Variants in TMEM65 observed in about 807,000 individuals in gnomAD.
TMEM65 encodes transmembrane protein 65.
A neutral mutation model predicts 25.4 loss-of-function variants in TMEM65; 22 were observed. That is an observed-to-expected ratio of 0.86 (90% CI 0.62 to 1.23). The LOEUF is 1.23. TMEM65 is among the 50% of genes most tolerant of loss of function. The probability of loss-of-function intolerance (pLI) is 0.00; values close to 1 mark genes in which losing one functional copy is unlikely to be tolerated. For synonymous variants in TMEM65, 132 were observed against 126.2 expected (o/e 1.05, Z -0.31); for missense variants, 262 against 308.2 (o/e 0.85, Z 1.12).
chr8:124,358,634 C>A (rs1220102233), intron 1 of TMEM65, among the ~76,000 whole-genome samples: 1 of 152,232 alleles, frequency 6.6e-6, no homozygotes, highest in East Asian at 1.9e-4. Context: ...CATAAATCCT[C>A]TCTGACCATG....
At chr8:124,365,970 C>G (rs1814933013) in intron 1 of TMEM65, among the ~76,000 whole-genome samples, 2 of 152,180 alleles carry the variant, frequency 1.3e-5, no homozygotes, top group Admixed American at 6.5e-5. Flanking sequence ...CCTGTAATCT[C>G]AGCACTTTGG....
chr8:124,368,413 A>AC (rs1814968884), intron 1 of TMEM65, among the ~76,000 whole-genome samples: 1 of 150,764 alleles, frequency 6.6e-6, no homozygotes, highest in Admixed American at 6.6e-5. Context: ...TCAAAGATGT[A>AC]CCCCCGATGA....
intron 1 of TMEM65, among the ~76,000 whole-genome samples, chr8:124,359,588 A>G (rs1814833653): frequency 6.6e-6 from 1 of 152,148 alleles, no homozygotes; most frequent in Non-Finnish European, 1.5e-5. Context: ...CTAAAAATAT[A>G]AAAATTAGCT....
rs533407555 is a variant in TMEM65 at position 124,313,039 on chromosome 8, A to C, written c.*921T>G. The C allele has an allele frequency of 6.6e-6, 1 of 151,654 alleles. No homozygotes were observed. The highest frequency in any genetic ancestry group is 1.5e-5 in the Non-Finnish European group (1 of 67,766). The allele number at this position is 151,654 out of a possible 1,614,324, so 9.4% of individuals were successfully genotyped here. A position where few individuals can be genotyped will look rare whatever the true frequency, so the allele number is the denominator to read the frequency against. ...TCATTAATCTTTCAAACATCACTTC[A>C]ACTTCATCATTTATACCATAAACCT... On this transcript the variant is annotated 3_prime_UTR_variant, in exon 7 of 7. Coordinates refer to ENST00000297632, the MANE Select transcript of TMEM65 (RefSeq NM_194291.3).
chr8:124,371,085 C>A (rs972734820), intron 1 of TMEM65, among the ~76,000 whole-genome samples: 3 of 152,212 alleles, frequency 2.0e-5, no homozygotes, highest in Non-Finnish European at 4.4e-5. Context: ...TTTTAACATG[C>A]TAGTTTAAAA....
Position 124,310,039 on chromosome 8 carries a change from T to A in TMEM65, c.*3921A>T, listed in dbSNP as rs1038678935. ...TAGGCTCGGTGGCACGTGACTGTAA[T>A]CCCAGCTACTCAGGAGGCTGAGGCA... On this transcript the variant is annotated 3_prime_UTR_variant, in exon 7 of 7. Transcript: ENST00000297632. 7 of 152,164 alleles carry A rather than the reference T, an allele frequency of 4.6e-5. No individual in the cohort carries two copies. The highest frequency in any genetic ancestry group is 1.7e-4 in the African/African-American group (7 of 41,404). 9.4% of individuals were successfully genotyped at this position (152,164 alleles called of 1,614,324 possible). A position where few individuals can be genotyped will look rare whatever the true frequency, so the allele number is the denominator to read the frequency against.
rs1398970919 is a variant in TMEM65 at position 124,306,594 on chromosome 8, A to G, written c.*7366T>C. On this transcript the variant is annotated 3_prime_UTR_variant, in exon 7 of 7. Coordinates refer to ENST00000297632, the MANE Select transcript of TMEM65 (RefSeq NM_194291.3). ...AAGGTGTGTCATGAATTCATATAATATATGTAGACACTAGTCTATTTTATC... is the reference window on the plus strand; with the variant it reads ...AAGGTGTGTCATGAATTCATATAATGTATGTAGACACTAGTCTATTTTATC... The G allele has an allele frequency of 6.6e-6, 1 of 152,014 alleles. No individual in the cohort carries two copies. Among genetic ancestry groups the G allele is most frequent in the African/African-American group, 2.4e-5 (1 of 41,356 alleles). The allele number at this position is 152,014 out of a possible 1,614,324, so 9.4% of individuals were successfully genotyped here. A position where few individuals can be genotyped will look rare whatever the true frequency, so the allele number is the denominator to read the frequency against.
At position 124,342,820 on chromosome 8, in the gene TMEM65, A is replaced by T. The variant is rs552833588; in HGVS notation, c.305-12028T>A. ...GGTTTGGCAAACCCATAATTCTGGTAAGATAATAAAAAACCTCAGGTAATA... is the reference window on the plus strand; with the variant it reads ...GGTTTGGCAAACCCATAATTCTGGTTAGATAATAAAAAACCTCAGGTAATA... On this transcript the variant is annotated intron_variant, in intron 1 of 6. Coordinates refer to ENST00000297632, the MANE Select transcript of TMEM65 (RefSeq NM_194291.3). Among the ~76,000 whole-genome samples, 4 of 152,276 alleles carry T rather than the reference A, an allele frequency of 2.6e-5. No homozygotes were observed. In the South Asian group the frequency reaches 8.3e-4, roughly 32 times the overall value.
chr8:124,330,703 C>T, intron 2 of TMEM65, 45 bp downstream of exon 2: 1 of 1,564,936 alleles, frequency 6.4e-7, no homozygotes, highest in Non-Finnish European at 8.7e-7. Flanking sequence ...TATTTCAAGG[C>T]CAAAAGACAG....
rs560750870 is a variant in TMEM65 at position 124,343,909 on chromosome 8, C to T, written c.305-13117G>A. Among the ~76,000 whole-genome samples, 9 of 152,248 alleles carry T rather than the reference C, an allele frequency of 5.9e-5. No homozygotes were observed. In the East Asian group the frequency reaches 1.3e-3, roughly 23 times the overall value. ...TAGTGAGGGTTTTGCAGTTAAATTACGCCAGAAATTGTATAAGAAAACCAG... is the reference window on the plus strand; with the variant it reads ...TAGTGAGGGTTTTGCAGTTAAATTATGCCAGAAATTGTATAAGAAAACCAG... On this transcript the variant is annotated intron_variant, in intron 1 of 6. Transcript: ENST00000297632.
intron 1 of TMEM65, among the ~76,000 whole-genome samples, chr8:124,367,775 A>T (rs1442471571): frequency 6.6e-6 from 1 of 152,196 alleles, no homozygotes; most frequent in Non-Finnish European, 1.5e-5. Context: ...AAAGTTTAGA[A>T]TTATTTGGTT....
Position 124,313,824 on chromosome 8 carries a change from G to A in TMEM65, c.*136C>T. On this transcript the variant is annotated 3_prime_UTR_variant, in exon 7 of 7. Transcript: ENST00000297632. ...AAGAAGATCAAGCCACAATAAGTTA[G>A]TGTTTTCCATAATACATGCTAAATT... 2 of 626,240 alleles carry A rather than the reference G, an allele frequency of 3.2e-6. No individual in the cohort carries two copies. Among genetic ancestry groups the A allele is most frequent in the South Asian group, 4.6e-5 (2 of 43,564 alleles). The allele number at this position is 626,240 out of a possible 1,614,324, so 38.8% of individuals were successfully genotyped here. A position where few individuals can be genotyped will look rare whatever the true frequency, so the allele number is the denominator to read the frequency against.
intron 1 of TMEM65, among the ~76,000 whole-genome samples, chr8:124,363,653 C>T (rs867317593): frequency 9.2e-5 from 14 of 151,748 alleles, no homozygotes; most frequent in African/African-American, 2.2e-4. Context: ...CCAGCTAAAA[C>T]GGTGAAACCC....
intron 1 of TMEM65, among the ~76,000 whole-genome samples, chr8:124,354,498 ACAAT>A (rs375449540): frequency 1.3e-5 from 2 of 152,294 alleles, no homozygotes; most frequent in Non-Finnish European, 2.9e-5. Flanking sequence ...ACAGCCCTCA[ACAAT>A]CAGTCATCTT....
intron 6 of TMEM65, among the ~76,000 whole-genome samples, chr8:124,317,207 A>T (rs1372760920): frequency 6.6e-6 from 1 of 152,138 alleles, no homozygotes. Flanking sequence ...AATAAATTCC[A>T]TCTAACTTAA....
intron 1 of TMEM65, among the ~76,000 whole-genome samples, chr8:124,358,191 G>A (rs935647713): frequency 7.2e-5 from 11 of 152,016 alleles, no homozygotes; most frequent in Non-Finnish European, 1.5e-4. Flanking sequence ...GCTAATCTTC[G>A]CATCAGTATA....
At position 124,344,485 on chromosome 8, in the gene TMEM65, C is replaced by T. The variant is rs568619959; in HGVS notation, c.305-13693G>A. Among the ~76,000 whole-genome samples, 18 of 152,336 alleles carry T rather than the reference C, an allele frequency of 1.2e-4. No homozygotes were observed. In the South Asian group the frequency reaches 2.3e-3, roughly 19 times the overall value. ...TGCCCAGCAAACTTCTTCAAATTCT[C>T]TTGCTAAAACTGTTTCAGACAGCAT... On this transcript the variant is annotated intron_variant, in intron 1 of 6. Coordinates refer to ENST00000297632, the MANE Select transcript of TMEM65 (RefSeq NM_194291.3).
At chr8:124,363,634 G>A (rs958984049) in intron 1 of TMEM65, among the ~76,000 whole-genome samples, 47 of 151,738 alleles carry the variant, frequency 3.1e-4, no homozygotes, top group Admixed American at 3.3e-4. Flanking sequence ...TCAGGAGATC[G>A]AGACCATCCC....
rs1328240663 is a variant in TMEM65 at position 124,309,549 on chromosome 8, TC to T, written c.*4410del. The T allele has an allele frequency of 6.6e-6, 1 of 152,216 alleles. No individual in the cohort carries two copies. Among genetic ancestry groups the T allele is most frequent in the East Asian group, 1.9e-4 (1 of 5,198 alleles). 9.4% of individuals were successfully genotyped at this position (152,216 alleles called of 1,614,324 possible). A position where few individuals can be genotyped will look rare whatever the true frequency, so the allele number is the denominator to read the frequency against. ...AATGAATTCCAAAGTGAAACATATT[TC>T]ACATATCTGAGATTTTCTTAACACC... On this transcript the variant is annotated 3_prime_UTR_variant, in exon 7 of 7. Transcript: ENST00000297632.
Sources: gnomAD v4.1 joint callset for allele counts (sites outside exome capture counted in the v4.1 genomes callset) on GRCh38, gnomAD v4.1.1 for gene constraint, MANE v1.5 for transcripts, NCBI Gene and HGNC (gene_info 2026-07-23, HGNC 2026-07-21) for gene names.